Variants in ZNF823 observed in about 807,000 individuals in gnomAD.
ZNF823 encodes the protein zinc finger protein 823, also known as ZFP 36 for a zinc finger protein.
ZNF823 carries 5 observed loss-of-function variants against 11.4 expected under a neutral mutation model. The observed-to-expected ratio is 0.44, with a 90% CI of 0.23 to 0.92. The LOEUF (loss-of-function observed/expected upper bound fraction) is 0.92, where lower values mean the gene tolerates loss of function less well. Ranked by LOEUF, ZNF823 falls within the 40% of genes least tolerant of loss-of-function variation. The pLI is 0.24. For synonymous variants in ZNF823, 234 were observed against 250.5 expected (o/e 0.93, Z 0.62); for missense variants, 582 against 738.5 (o/e 0.79, Z 2.46).
intron 2 of ZNF823, among the ~76,000 whole-genome samples, chr19:11,724,703 T>C (rs916666462): frequency 2.6e-5 from 4 of 151,658 alleles, no homozygotes; most frequent in Non-Finnish European, 5.9e-5. Context: ...GGGCTACAGG[T>C]GTCCGCCATC....
At chr19:11,734,641 G>A (rs1212875090) in intron 1 of ZNF823, among the ~76,000 whole-genome samples, 1 of 152,136 alleles carries the variant, frequency 6.6e-6, no homozygotes, top group Non-Finnish European at 1.5e-5. Context: ...GGGTTCAAGC[G>A]ATTCTCCTGC....
At chr19:11,723,919 T>C (rs1974742579) in intron 3 of ZNF823, among the ~76,000 whole-genome samples, 1 of 152,136 alleles carries the variant, frequency 6.6e-6, no homozygotes, top group African/African-American at 2.4e-5. Flanking sequence ...CATTTAACTA[T>C]ATGTTCCTCG....
chr19:11,726,684 A>T (rs1974798385), intron 1 of ZNF823, among the ~76,000 whole-genome samples: 1 of 152,146 alleles, frequency 6.6e-6, no homozygotes, highest in Non-Finnish European at 1.5e-5. Flanking sequence ...ACCAGATGCT[A>T]AGCCTTGACC....
intron 1 of ZNF823, among the ~76,000 whole-genome samples, chr19:11,738,190 T>A (rs1461928868): frequency 6.6e-6 from 1 of 152,054 alleles, no homozygotes; most frequent in Admixed American, 6.6e-5. Context: ...GGGGATAAGA[T>A]CTCTTGAGAG....
At chr19:11,723,738 TTTC>T (rs1974739381) in intron 3 of ZNF823, among the ~76,000 whole-genome samples, 1 of 152,162 alleles carries the variant, frequency 6.6e-6, no homozygotes, top group Non-Finnish European at 1.5e-5. Flanking sequence ...AGAGACAGGG[TTTC>T]TCCATGTTGG....
intron 1 of ZNF823, among the ~76,000 whole-genome samples, 180 bp downstream of exon 1, chr19:11,738,637 G>A (rs1975040166): frequency 6.6e-6 from 1 of 152,208 alleles, no homozygotes; most frequent in Admixed American, 6.5e-5. Context: ...CCGGGGTCCC[G>A]GCTGCCGCCC....
chr19:11,722,670 G>C lies in ZNF823; in HGVS notation c.864C>G (p.Tyr288Ter), dbSNP rs1385907653. The change falls in exon 4 of 4, where the codon TAC becomes TAG. Residue 288 changes from tyrosine to a stop codon, truncating the protein, a stop_gained. Coordinates refer to ENST00000341191, the MANE Select transcript of ZNF823 (RefSeq NM_001080493.4). LOFTEE classifies it low-confidence loss of function (END_TRUNC). This position sits in a 1 kb window ranked among gnomAD's most constrained non-coding sequence, Gnocchi z 5.2. The stretch of plus-strand genomic sequence containing the variant: ...TCCTTTCATGTAGTCGAGTGTAATA[G>C]TAACAGCTGAAGGCTTTCCCACATT... The part of the protein sequence containing the change: ...CTQCGKAFSC[Y>*]YYTRLHERTH... 6.2e-7 allele frequency: 1 copy of C among 1,614,060 alleles called. No individual in the cohort carries two copies.
chr19:11,723,935 A>T (rs752062135), intron 3 of ZNF823, among the ~76,000 whole-genome samples: 1 of 150,992 alleles, frequency 6.6e-6, no homozygotes, highest in Non-Finnish European at 1.5e-5. Flanking sequence ...CCTCGGGAAA[A>T]TTTTTTTTTA....
intron 1 of ZNF823, among the ~76,000 whole-genome samples, chr19:11,733,344 C>T (rs191427953): frequency 1.0e-3 from 138 of 131,736 alleles, no homozygotes; most frequent in Middle Eastern, 6.0e-3. Context: ...TCCAGCCTAG[C>T]GACAGAGTGA....
intron 1 of ZNF823, among the ~76,000 whole-genome samples, chr19:11,738,115 A>G (rs1001243604): frequency 2.0e-5 from 3 of 152,168 alleles, no homozygotes; most frequent in South Asian, 2.1e-4. Flanking sequence ...CCGCTGCCTC[A>G]CGGGGCCGCC....
At chr19:11,730,228 G>A (rs572851902) in intron 1 of ZNF823, among the ~76,000 whole-genome samples, 43 of 152,052 alleles carry the variant, frequency 2.8e-4, no homozygotes, top group Admixed American at 5.9e-4. Flanking sequence ...GTGCCTGGCC[G>A]TTTTCTTATG....
chr19:11,737,092 A>G (rs1975004090), intron 1 of ZNF823, among the ~76,000 whole-genome samples: 1 of 152,172 alleles, frequency 6.6e-6, no homozygotes, highest in African/African-American at 2.4e-5. Context: ...CTTAGCAGCT[A>G]TGAGCATCTT....
chr19:11,724,555 CTTTTT>C (rs751508496), intron 2 of ZNF823, among the ~76,000 whole-genome samples: 1 of 126,102 alleles, frequency 7.9e-6, no homozygotes, highest in African/African-American at 3.1e-5. Context: ...AGTTTCTCAT[CTTTTT>C]TTTTTTTTTT....
chr19:11,735,291 A>C (rs890989990), intron 1 of ZNF823, among the ~76,000 whole-genome samples: 2 of 151,666 alleles, frequency 1.3e-5, no homozygotes, highest in South Asian at 2.1e-4. Context: ...CAAAAAAAAA[A>C]AAAAAAAAAG....
intron 1 of ZNF823, among the ~76,000 whole-genome samples, chr19:11,729,745 A>G (rs1002503092): frequency 6.6e-6 from 1 of 152,188 alleles, no homozygotes; most frequent in Non-Finnish European, 1.5e-5. Context: ...ACAATGGGCC[A>G]TAAGGTGTCT....
chr19:11,726,283 A>AATACATATACAT (rs751563771), intron 1 of ZNF823, among the ~76,000 whole-genome samples: 1 of 114,470 alleles, frequency 8.7e-6, no homozygotes, highest in Admixed American at 9.4e-5. Flanking sequence ...AAAAATAAAA[A>AATACATATACAT]ATACATATAT....
At chr19:11,732,298 G>C (rs911508472) in intron 1 of ZNF823, among the ~76,000 whole-genome samples, 2 of 151,678 alleles carry the variant, frequency 1.3e-5, no homozygotes, top group African/African-American at 2.4e-5. Flanking sequence ...CCGAGCAGCC[G>C]GGACTACAGG....
In ZNF823 at chr19:11,722,506, C is replaced by G. The variant is rs771904079; in HGVS notation, c.1028G>C (p.Cys343Ser). The change falls in exon 4 of 4, where the codon TGT becomes TCT. Residue 343 changes from cysteine to serine, a missense_variant. Around this residue, in one of 3 missense-constraint regions of ZNF823, gnomAD observed 429 missense variants for 553.7 expected, o/e 0.77. Transcript: ENST00000341191. This position sits in a 1 kb window ranked among gnomAD's most constrained non-coding sequence, Gnocchi z 5.2. ...KCKICGKGFD[C>S]PSSVRNHETT... Reference sequence around the variant, plus strand: ...TTCATGATTTCGAACTGAACTAGGACAATCAAAGCCTTTCCCACATATCTT... The same window carrying G: ...TTCATGATTTCGAACTGAACTAGGAGAATCAAAGCCTTTCCCACATATCTT... 6.2e-7 allele frequency: 1 copy of G among 1,613,964 alleles called. No individual in the cohort carries two copies. Among genetic ancestry groups the G allele is most frequent in the South Asian group, 1.1e-5 (1 of 91,082 alleles).
At chr19:11,727,784 T>A (rs1346735705) in intron 1 of ZNF823, among the ~76,000 whole-genome samples, 1 of 152,164 alleles carries the variant, frequency 6.6e-6, no homozygotes, top group Non-Finnish European at 1.5e-5. Context: ...TCAATGTGGA[T>A]CCCTAGAGAC....
Sources: allele counts gnomAD v4.1 joint callset (sites outside exome capture counted in the v4.1 genomes callset), GRCh38; gene constraint gnomAD v4.1.1; regional missense constraint gnomAD v4.1.1; non-coding constraint Gnocchi (gnomAD v3.1); transcripts MANE v1.5; gene names NCBI Gene and HGNC (gene_info 2026-07-23, HGNC 2026-07-21).